TESK2: variants seen among roughly 807,000 people sequenced by gnomAD.
TESK2 encodes the protein testis associated actin remodelling kinase 2, also known as dual specificity testis-specific protein kinase 2.
A neutral mutation model predicts 57.1 loss-of-function variants in TESK2; 39 were observed. The observed-to-expected ratio is 0.68, with a 90% CI of 0.53 to 0.89. The LOEUF is 0.89. TESK2 is among the 40% of genes least tolerant of loss of function. The pLI, the probability that TESK2 is intolerant of heterozygous loss-of-function variation, is 0.00. For synonymous variants in TESK2, 249 were observed against 267.9 expected (o/e 0.93, Z 0.69); for missense variants, 646 against 732.1 (o/e 0.88, Z 1.36).
chr1:45,398,816 T>C (rs1649464951), intron 3 of TESK2: 2 of 369,744 alleles, frequency 5.4e-6, no homozygotes, highest in Non-Finnish European at 1.0e-5. Context: ...CAGAAGTGAT[T>C]ATGTCATTTC....
intron 1 of TESK2, among the ~76,000 whole-genome samples, chr1:45,485,062 T>G (rs1653402639): frequency 6.6e-6 from 1 of 151,590 alleles, no homozygotes; most frequent in South Asian, 2.1e-4. Flanking sequence ...TAAATCAAAT[T>G]AAATTAAAAA....
At chr1:45,430,689 T>C (rs1402017383) in intron 2 of TESK2, among the ~76,000 whole-genome samples, 1 of 152,180 alleles carries the variant, frequency 6.6e-6, no homozygotes, top group East Asian at 1.9e-4. Context: ...TTTGGGTTTG[T>C]GGTGGCTGAC....
At position 45,346,788 on chromosome 1, in the gene TESK2, GGGTATGGAAAGCATA is replaced by G. The variant is rs778430438; in HGVS notation, c.793-24_793-10del. 2 of 1,612,776 alleles carry G rather than the reference GGGTATGGAAAGCATA, an allele frequency of 1.2e-6. No homozygotes were observed. On this transcript the variant is annotated splice_polypyrimidine_tract_variant and intron_variant, in intron 8 of 10. Transcript: ENST00000372086. ...TAGTCCAGCCCGAAATTCTGTGGAT[GGGTATGGAAAGCATA>G]GGTAGACAGTTCATTAATCCCCCCA...
intron 3 of TESK2, among the ~76,000 whole-genome samples, chr1:45,396,347 C>T (rs1371288813): frequency 6.6e-6 from 1 of 151,936 alleles, no homozygotes; most frequent in Non-Finnish European, 1.5e-5. Context: ...CCACCCGCCT[C>T]AGCCTCCCAA....
intron 4 of TESK2, among the ~76,000 whole-genome samples, chr1:45,384,405 A>G (rs57202219): frequency 1.3e-5 from 2 of 150,904 alleles, no homozygotes; most frequent in African/African-American, 2.4e-5. Flanking sequence ...CTATCTATCT[A>G]TCTATCTATC....
intron 2 of TESK2, among the ~76,000 whole-genome samples, chr1:45,453,521 T>C (rs1334233205): frequency 3.3e-5 from 5 of 152,226 alleles, no homozygotes; most frequent in South Asian, 2.1e-4. Flanking sequence ...CCTTACTTTA[T>C]ACGATATTGA....
chr1:45,438,100 A>G (rs1307844509), intron 2 of TESK2, among the ~76,000 whole-genome samples: 1 of 152,242 alleles, frequency 6.6e-6, no homozygotes. Flanking sequence ...ACTATCTCAC[A>G]TCATCCTTAC....
chr1:45,366,641 C>T (rs1457233340), intron 4 of TESK2, among the ~76,000 whole-genome samples: 2 of 152,074 alleles, frequency 1.3e-5, no homozygotes. Context: ...TTTTGTAAGC[C>T]CCTTTGTAAA....
At chr1:45,416,228 G>A (rs543846914) in intron 3 of TESK2, among the ~76,000 whole-genome samples, 9 of 151,074 alleles carry the variant, frequency 6.0e-5, no homozygotes, top group South Asian at 2.1e-4. Context: ...GGCTACAGGC[G>A]CACACCACCA....
At chr1:45,392,710 AAAAAAAATT>A (rs1040573743) in intron 3 of TESK2, among the ~76,000 whole-genome samples, 1 of 152,082 alleles carries the variant, frequency 6.6e-6, no homozygotes, top group Non-Finnish European at 1.5e-5. Context: ...TCAAAAAAAA[AAAAAAAATT>A]TATTTTTTAG....
intron 4 of TESK2, among the ~76,000 whole-genome samples, chr1:45,370,720 T>C (rs1320824537): frequency 1.3e-5 from 2 of 152,138 alleles, no homozygotes; most frequent in Non-Finnish European, 2.9e-5. Flanking sequence ...GAAAGGGTCA[T>C]GTTCCATTTG....
chr1:45,412,224 A>G (rs1002075542), intron 3 of TESK2, among the ~76,000 whole-genome samples: 4 of 152,272 alleles, frequency 2.6e-5, no homozygotes, highest in African/African-American at 9.6e-5. Context: ...AGTATCAGGA[A>G]GAGTGAAAAA....
intron 2 of TESK2, among the ~76,000 whole-genome samples, chr1:45,443,613 C>T (rs919706660): frequency 8.6e-6 from 1 of 116,844 alleles, no homozygotes; most frequent in Non-Finnish European, 1.8e-5. Context: ...AAATAAACTA[C>T]ATAAATCCAC....
At chr1:45,486,871 G>A (rs1217377106) in intron 1 of TESK2, among the ~76,000 whole-genome samples, 1 of 146,322 alleles carries the variant, frequency 6.8e-6, no homozygotes, top group East Asian at 2.0e-4. Context: ...TGCCCAGGCT[G>A]GAGTGCAGTG....
chr1:45,402,460 C>A, intron 3 of TESK2, among the ~76,000 whole-genome samples: 1 of 148,988 alleles, frequency 6.7e-6, no homozygotes, highest in Admixed American at 6.7e-5. Context: ...TTGATGAAAC[C>A]TAAATAAATT....
chr1:45,454,451 A>AT (rs1651994053), intron 2 of TESK2, among the ~76,000 whole-genome samples: 1 of 151,528 alleles, frequency 6.6e-6, no homozygotes, highest in African/African-American at 2.4e-5. Context: ...ATTTTATTTT[A>AT]TTTTTCCCCC....
chr1:45,391,603 G>T (rs967612506), intron 3 of TESK2, among the ~76,000 whole-genome samples: 1 of 152,092 alleles, frequency 6.6e-6, no homozygotes, highest in Non-Finnish European at 1.5e-5. Context: ...TAAATGGCAT[G>T]AATGATTTTT....
intron 4 of TESK2, among the ~76,000 whole-genome samples, chr1:45,371,600 C>T (rs1172172423): frequency 3.9e-5 from 6 of 152,108 alleles, no homozygotes; most frequent in South Asian, 4.1e-4. Context: ...TGGTGGCTCA[C>T]GCCTGTAATC....
chr1:45,486,779 G>GCACACACACACA (rs1557592851), intron 1 of TESK2, among the ~76,000 whole-genome samples: 1 of 38,324 alleles, frequency 2.6e-5, no homozygotes, highest in Admixed American at 3.5e-4. Flanking sequence ...TAGCCTCCCA[G>GCACACACACACA]CATACACACA....
Sources: allele counts gnomAD v4.1 joint callset (sites outside exome capture counted in the v4.1 genomes callset), GRCh38; gene constraint gnomAD v4.1.1; transcripts MANE v1.5; gene names NCBI Gene and HGNC (gene_info 2026-07-23, HGNC 2026-07-21).